FBXL17: variants seen among roughly 807,000 people sequenced by gnomAD.
FBXL17 encodes the protein F-box/LRR-repeat protein 17.
FBXL17 carries 22 observed loss-of-function variants against 66.2 expected under a neutral mutation model. That is an observed-to-expected ratio of 0.33 (90% CI 0.24 to 0.47). The LOEUF (loss-of-function observed/expected upper bound fraction) is 0.47, where lower values mean the gene tolerates loss of function less well. FBXL17 is among the 20% of genes least tolerant of loss of function. The pLI, the probability that FBXL17 is intolerant of heterozygous loss-of-function variation, is 1.00. For missense variants in FBXL17, 878 were observed against 948.2 expected, an observed-to-expected ratio of 0.93 and a Z score of 0.97; for synonymous variants, 474 against 400.5, an observed-to-expected ratio of 1.18 and a Z score of -2.19.
intron 6 of FBXL17, among the ~76,000 whole-genome samples, chr5:108,114,432 A>G (rs1487995306): frequency 1.3e-5 from 2 of 152,216 alleles, no homozygotes; most frequent in Non-Finnish European, 2.9e-5. Flanking sequence ...ACAATTAGGT[A>G]TACATCAATA....
At chr5:108,125,623 T>C (rs1750667776) in intron 6 of FBXL17, among the ~76,000 whole-genome samples, 1 of 152,004 alleles carries the variant, frequency 6.6e-6, no homozygotes, top group African/African-American at 2.4e-5. Flanking sequence ...TTTTAGATCT[T>C]TGAAAAATGG....
At chr5:108,057,368 T>G (rs747228692) in intron 6 of FBXL17, among the ~76,000 whole-genome samples, 1 of 152,170 alleles carries the variant, frequency 6.6e-6, no homozygotes, top group Non-Finnish European at 1.5e-5. Context: ...AGAAATAGTA[T>G]GATTTTCATG....
intron 4 of FBXL17, among the ~76,000 whole-genome samples, chr5:108,231,656 G>A (rs900572961): frequency 2.6e-5 from 4 of 152,102 alleles, no homozygotes; most frequent in Non-Finnish European, 5.9e-5. Flanking sequence ...TAAACAGGAA[G>A]TTAAAATTGC....
chr5:108,342,392 T>A, intron 4 of FBXL17, among the ~76,000 whole-genome samples: 1 of 152,128 alleles, frequency 6.6e-6, no homozygotes. Context: ...CCTAGAAAAA[T>A]TTTTAAATAC....
chr5:107,876,923 ATT>A (rs1748631984), intron 8 of FBXL17, among the ~76,000 whole-genome samples: 1 of 152,198 alleles, frequency 6.6e-6, no homozygotes, highest in Non-Finnish European at 1.5e-5. Context: ...TTACACAAGT[ATT>A]TTTAAGTAAA....
At chr5:108,087,147 G>A (rs928139155) in intron 6 of FBXL17, among the ~76,000 whole-genome samples, 17 of 152,212 alleles carry the variant, frequency 1.1e-4, no homozygotes, top group African/African-American at 3.9e-4. Flanking sequence ...CAACCTCTGA[G>A]CCTCTGTTTA....
intron 6 of FBXL17, among the ~76,000 whole-genome samples, chr5:108,070,282 C>A (rs1465021798): frequency 6.6e-6 from 1 of 152,202 alleles, no homozygotes; most frequent in Non-Finnish European, 1.5e-5. Flanking sequence ...TTAATCTACA[C>A]AAAGTGTGGT....
intron 7 of FBXL17, among the ~76,000 whole-genome samples, chr5:107,896,525 G>A (rs1027713166): frequency 6.6e-6 from 1 of 152,138 alleles, no homozygotes; most frequent in South Asian, 2.1e-4. Context: ...ACATCTCTCA[G>A]TAAATTGCAC....
intron 4 of FBXL17, among the ~76,000 whole-genome samples, chr5:108,291,540 C>T (rs1487875741): frequency 6.6e-6 from 1 of 152,126 alleles, no homozygotes; most frequent in Non-Finnish European, 1.5e-5. Flanking sequence ...CTAAATTCTC[C>T]TTATTCTCTT....
chr5:108,167,293 A>G (rs1182689055), intron 6 of FBXL17, among the ~76,000 whole-genome samples: 1 of 152,198 alleles, frequency 6.6e-6, no homozygotes, highest in Non-Finnish European at 1.5e-5. Context: ...TGAGGCTAAG[A>G]TGGTGATAAA....
intron 6 of FBXL17, among the ~76,000 whole-genome samples, chr5:108,058,943 C>G (rs944281659): frequency 6.6e-6 from 1 of 152,086 alleles, no homozygotes; most frequent in East Asian, 1.9e-4. Flanking sequence ...TCATCATTTC[C>G]CAGAATGTAG....
Position 108,316,265 on chromosome 5 carries a change from C to T in FBXL17, c.1506+32134G>A, listed in dbSNP as rs191530251. Among the ~76,000 whole-genome samples, 168 of 151,360 alleles carry T rather than the reference C, an allele frequency of 1.1e-3. 1 individual carries two copies. The highest frequency in any genetic ancestry group is 0.011 in the Admixed American group (168 of 15,156). ...ACTGTTATTAAAATACTTTGCTAGA[C>T]AAATATATCTTTAAAAGATCAACAA... On this transcript the variant is annotated intron_variant, in intron 4 of 8. Transcript: ENST00000542267.
At chr5:108,287,780 A>G (rs1441935004) in intron 4 of FBXL17, among the ~76,000 whole-genome samples, 1 of 152,050 alleles carries the variant, frequency 6.6e-6, no homozygotes, top group East Asian at 1.9e-4. Flanking sequence ...TACCCTAAGA[A>G]ATGTAAGTCA....
chr5:108,173,838 G>A (rs1752695510), intron 6 of FBXL17, among the ~76,000 whole-genome samples: 1 of 152,138 alleles, frequency 6.6e-6, no homozygotes, highest in African/African-American at 2.4e-5. Flanking sequence ...TTCAGCTGAG[G>A]ATGTGCTACA....
At chr5:108,004,024 T>C (rs1003257464) in intron 7 of FBXL17, among the ~76,000 whole-genome samples, 1 of 152,026 alleles carries the variant, frequency 6.6e-6, no homozygotes, top group Non-Finnish European at 1.5e-5. Flanking sequence ...GGAAGAGATA[T>C]AACAGAAAAG....
intron 5 of FBXL17, among the ~76,000 whole-genome samples, chr5:108,194,797 G>A (rs775349236): frequency 3.1e-4 from 47 of 152,164 alleles, no homozygotes; most frequent in Non-Finnish European, 6.5e-4. Flanking sequence ...ACATAAAAAA[G>A]AAGATTGACG....
intron 1 of FBXL17, among the ~76,000 whole-genome samples, chr5:108,374,991 T>C (rs558828141): frequency 1.3e-5 from 2 of 151,590 alleles, no homozygotes; most frequent in South Asian, 2.1e-4. Context: ...GGGGAAAAAA[T>C]ACAGCTAATA....
chr5:108,210,491 A>G (rs1754321678), intron 5 of FBXL17, among the ~76,000 whole-genome samples: 1 of 152,184 alleles, frequency 6.6e-6, no homozygotes, highest in African/African-American at 2.4e-5. Flanking sequence ...AATGTGTCCT[A>G]GAGATTCTGG....
intron 5 of FBXL17, among the ~76,000 whole-genome samples, chr5:108,214,516 T>C (rs931297907): frequency 2.0e-5 from 3 of 151,920 alleles, no homozygotes; most frequent in Middle Eastern, 3.2e-3. Flanking sequence ...AAGAGGCACA[T>C]GCCACTGCAC....
Sources: allele counts gnomAD v4.1 joint callset (sites outside exome capture counted in the v4.1 genomes callset), GRCh38; gene constraint gnomAD v4.1.1; transcripts MANE v1.5; gene names NCBI Gene and HGNC (gene_info 2026-07-23, HGNC 2026-07-21).